FARS2: variants seen among roughly 807,000 people sequenced by gnomAD.
FARS2 encodes the protein phenylalanyl-tRNA synthetase 2, mitochondrial, also known as phenylalanine--tRNA ligase, mitochondrial.
In FARS2, 40 loss-of-function variants were observed where a neutral mutation model predicts 46.4. The ratio of observed to expected loss-of-function variants is 0.86; its 90% CI spans 0.67 to 1.12. The LOEUF (loss-of-function observed/expected upper bound fraction) is 1.12. Ranked by LOEUF, FARS2 falls within the 50% of genes most tolerant of loss-of-function variation. FARS2 has a pLI of 0.00. For synonymous variants in FARS2, 234 were observed against 214.9 expected, an observed-to-expected ratio of 1.09 and a Z score of -0.78; for missense variants, 513 against 567.9, an observed-to-expected ratio of 0.90 and a Z score of 0.98.
At chr6:5,287,769 G>A (rs923424992) in intron 1 of FARS2, among the ~76,000 whole-genome samples, 2 of 152,064 alleles carry the variant, frequency 1.3e-5, no homozygotes, top group Non-Finnish European at 2.9e-5. Context: ...TAGTACACAC[G>A]GGGAATTCCT....
chr6:5,406,891 A>C (rs2127723094), intron 3 of FARS2, among the ~76,000 whole-genome samples: 1 of 151,740 alleles, frequency 6.6e-6, no homozygotes, highest in East Asian at 1.9e-4. Flanking sequence ...CTTCAGCAAC[A>C]CTTGATAGGG....
At chr6:5,333,061 A>T (rs1014110937) in intron 1 of FARS2, among the ~76,000 whole-genome samples, 7 of 152,196 alleles carry the variant, frequency 4.6e-5, no homozygotes, top group African/African-American at 1.7e-4. Context: ...GTAACCTCTA[A>T]AGTGTACCAT....
At chr6:5,530,017 C>T (rs1769723304) in intron 4 of FARS2, among the ~76,000 whole-genome samples, 1 of 152,214 alleles carries the variant, frequency 6.6e-6, no homozygotes, top group Non-Finnish European at 1.5e-5. Context: ...GAACTTTCCA[C>T]CTAAGTCCAA....
chr6:5,614,206 T>G (rs1423353803), intron 6 of FARS2, among the ~76,000 whole-genome samples: 1 of 152,122 alleles, frequency 6.6e-6, no homozygotes, highest in African/African-American at 2.4e-5. Flanking sequence ...GTGATTTGAT[T>G]TGCATTTCTG....
chr6:5,647,008 T>C (rs948320594), intron 6 of FARS2, among the ~76,000 whole-genome samples: 4 of 152,224 alleles, frequency 2.6e-5, no homozygotes, highest in Non-Finnish European at 5.9e-5. Flanking sequence ...CTTTGCTTAT[T>C]ATCAGCTGTG....
At chr6:5,370,930 C>T (rs748137483) in intron 2 of FARS2, among the ~76,000 whole-genome samples, 27 of 152,124 alleles carry the variant, frequency 1.8e-4, no homozygotes, top group Non-Finnish European at 3.7e-4. Flanking sequence ...TTCATTGCTT[C>T]GTTTACTCCT....
intron 4 of FARS2, among the ~76,000 whole-genome samples, chr6:5,432,531 T>A (rs201095488): frequency 8.2e-5 from 7 of 84,908 alleles, no homozygotes; most frequent in East Asian, 4.8e-4. Context: ...ATATATATTT[T>A]TTTTTTTCAG....
intron 6 of FARS2, among the ~76,000 whole-genome samples, chr6:5,650,698 C>T (rs147392652): frequency 1.4e-4 from 21 of 152,086 alleles, no homozygotes; most frequent in Non-Finnish European, 2.8e-4. Flanking sequence ...AGGATGGTCT[C>T]GATCTCCTCA....
intron 4 of FARS2, among the ~76,000 whole-genome samples, chr6:5,543,963 G>T (rs1770793940): frequency 6.7e-6 from 1 of 149,696 alleles, no homozygotes; most frequent in African/African-American, 2.5e-5. Flanking sequence ...TAATATCCTT[G>T]CATGAGGAGC....
At chr6:5,482,527 C>T (rs1766528289) in intron 4 of FARS2, among the ~76,000 whole-genome samples, 1 of 152,066 alleles carries the variant, frequency 6.6e-6, no homozygotes, top group Admixed American at 6.6e-5. Context: ...ATGCTCTTGT[C>T]CTTCTTTGCT....
intron 6 of FARS2, among the ~76,000 whole-genome samples, chr6:5,724,393 G>A (rs778929298): frequency 1.6e-4 from 25 of 152,218 alleles, no homozygotes; most frequent in African/African-American, 6.0e-4. Context: ...TGGTCATCAC[G>A]AAATATCCAT....
chr6:5,545,430 A>G, intron 5 of FARS2, 90 bp downstream of exon 5: 1 of 883,604 alleles, frequency 1.1e-6, no homozygotes, highest in Non-Finnish European at 1.7e-6. Flanking sequence ...ACTGAATTTT[A>G]TTTTATTTAT....
chr6:5,539,362 A>G (rs960255161), intron 4 of FARS2, among the ~76,000 whole-genome samples: 4 of 125,892 alleles, frequency 3.2e-5, no homozygotes, highest in African/African-American at 7.4e-5. Context: ...GCCCGCCACC[A>G]TGCCCACCTA....
chr6:5,275,963 A>G (rs1465048068), intron 1 of FARS2, among the ~76,000 whole-genome samples: 2 of 152,116 alleles, frequency 1.3e-5, no homozygotes, highest in African/African-American at 4.8e-5. Context: ...CCTAGTAGTG[A>G]ATGTTTTTAT....
chr6:5,723,995 G>T (rs988132831), intron 6 of FARS2, among the ~76,000 whole-genome samples: 27 of 136,046 alleles, frequency 2.0e-4, no homozygotes, highest in Non-Finnish European at 3.9e-4. Context: ...CCACCGCACA[G>T]GGGCTGTCAG....
chr6:5,641,069 G>A (rs147108983), intron 6 of FARS2, among the ~76,000 whole-genome samples: 36 of 152,238 alleles, frequency 2.4e-4, no homozygotes, highest in African/African-American at 8.7e-4. Flanking sequence ...TCATCCTCTG[G>A]GGAAGAGGAG....
intron 6 of FARS2, among the ~76,000 whole-genome samples, chr6:5,708,555 C>T (rs1182783174): frequency 6.6e-6 from 1 of 152,184 alleles, no homozygotes; most frequent in Non-Finnish European, 1.5e-5. Flanking sequence ...CTGTAAGTGG[C>T]AACCAAGTGT....
At chr6:5,482,768 A>G (rs1028675221) in intron 4 of FARS2, among the ~76,000 whole-genome samples, 12 of 152,350 alleles carry the variant, frequency 7.9e-5, no homozygotes, top group South Asian at 6.2e-4. Flanking sequence ...GGAGGGGGCC[A>G]CTGGGCTGAG....
intron 6 of FARS2, among the ~76,000 whole-genome samples, chr6:5,730,189 T>C (rs920066675): frequency 6.7e-6 from 1 of 149,626 alleles, no homozygotes; most frequent in Admixed American, 6.6e-5. Flanking sequence ...TCCATGTAGC[T>C]GAGCTGCCCA....
Sources: allele counts gnomAD v4.1 joint callset (sites outside exome capture counted in the v4.1 genomes callset), GRCh38; gene constraint gnomAD v4.1.1; transcripts MANE v1.5; gene names NCBI Gene and HGNC (gene_info 2026-07-23, HGNC 2026-07-21).